The following SKAP2 variants were observed in gnomAD, a reference collection of about 807,000 sequenced individuals.
SKAP2 encodes src kinase-associated phosphoprotein 2.
SKAP2 carries 28 observed loss-of-function variants against 54.9 expected under a neutral mutation model. That is an observed-to-expected ratio of 0.51 (90% CI 0.38 to 0.70). The LOEUF (loss-of-function observed/expected upper bound fraction) is 0.70, where lower values mean the gene tolerates loss of function less well. Ranked by LOEUF, SKAP2 falls within the 30% of genes least tolerant of loss-of-function variation. SKAP2 has a pLI of 0.00. For missense variants in SKAP2, 356 were observed against 424.1 expected (o/e 0.84, Z 1.41); for synonymous variants, 137 against 134.3 (o/e 1.02, Z -0.14).
At position 26,670,142 on chromosome 7, in the gene SKAP2, G is replaced by C; in HGVS notation, c.1038C>G (p.Gly346=). ...CCATTATGTAGGCTTTAGGCACCAA[G>C]CCAATGGCTCCCTTCATTTCTCCTA... is the stretch of plus-strand genomic sequence containing the variant. ...WWVGEMKGAI[G]LVPKAYIMEM... Residue 346 remains glycine (G), a synonymous_variant, in exon 12 of 13, where the codon GGC becomes GGG. Coordinates refer to ENST00000345317, the MANE Select transcript of SKAP2 (RefSeq NM_003930.5). 1 of 1,584,394 alleles carries C rather than the reference G, an allele frequency of 6.3e-7. No individual in the cohort carries two copies. The highest frequency in any genetic ancestry group is 8.7e-7 in the Non-Finnish European group (1 of 1,153,348).
At chr7:26,835,087 A>G (rs1784678576) in intron 4 of SKAP2, among the ~76,000 whole-genome samples, 1 of 152,220 alleles carries the variant, frequency 6.6e-6, no homozygotes, top group African/African-American at 2.4e-5. Context: ...AGAACTAATG[A>G]CAAAAACCAC....
At chr7:26,765,389 T>C (rs559277913) in intron 4 of SKAP2, among the ~76,000 whole-genome samples, 50 of 152,304 alleles carry the variant, frequency 3.3e-4, no homozygotes, top group Middle Eastern at 6.8e-3. Flanking sequence ...GTCAGATGGA[T>C]TGCAAAAATT....
At position 26,725,697 on chromosome 7, in the gene SKAP2, A is replaced by T. The variant is rs769127967; in HGVS notation, c.659-132T>A. 293 of 996,034 alleles carry T rather than the reference A, an allele frequency of 2.9e-4. 1 individual carries two copies. In the Middle Eastern group the frequency reaches 4.6e-3, roughly 16 times the overall value. The allele number at this position is 996,034 out of a possible 1,614,324, so 61.7% of individuals were successfully genotyped here. ...ATATGTTATGTCCTTAACTAAAAAC[A>T]TGTTTAAAAATTGTTTTGTAAATAT... On this transcript the variant is annotated intron_variant, in intron 8 of 12. Transcript: ENST00000345317.
intron 9 of SKAP2, among the ~76,000 whole-genome samples, chr7:26,696,399 A>G (rs1433466885): frequency 1.3e-5 from 2 of 152,224 alleles, no homozygotes; most frequent in African/African-American, 4.8e-5. Context: ...TAAACTGGAC[A>G]CTGCTTCTAA....
At chr7:26,802,979 T>C (rs1783948090) in intron 4 of SKAP2, among the ~76,000 whole-genome samples, 1 of 152,140 alleles carries the variant, frequency 6.6e-6, no homozygotes, top group Admixed American at 6.6e-5. Flanking sequence ...CAAAATGGAT[T>C]AAAGACTTAA....
intron 4 of SKAP2, among the ~76,000 whole-genome samples, chr7:26,842,251 A>C (rs1187865082): frequency 6.6e-6 from 1 of 151,722 alleles, no homozygotes; most frequent in Non-Finnish European, 1.5e-5. Context: ...CTATTAACAA[A>C]AAAACTTGAT....
At chr7:26,741,250 C>T (rs1446360188) in intron 4 of SKAP2, among the ~76,000 whole-genome samples, 1 of 151,846 alleles carries the variant, frequency 6.6e-6, no homozygotes, top group Non-Finnish European at 1.5e-5. Flanking sequence ...GGTGCAATGG[C>T]TCATGCCTAC....
chr7:26,712,572 T>A (rs931016974), intron 9 of SKAP2, among the ~76,000 whole-genome samples: 1 of 152,226 alleles, frequency 6.6e-6, no homozygotes, highest in Non-Finnish European at 1.5e-5. Context: ...AAATCCCAAC[T>A]CTGCTATCTC....
At chr7:26,739,799 C>G in intron 5 of SKAP2, 88 bp downstream of exon 5, 1 of 907,448 alleles carries the variant, frequency 1.1e-6, no homozygotes, top group Non-Finnish European at 1.7e-6. Flanking sequence ...TCACCTAAAA[C>G]GAATACTGCC....
chr7:26,780,155 T>C (rs687254), intron 4 of SKAP2, among the ~76,000 whole-genome samples: 72,291 of 151,946 alleles, frequency 0.48, 18,222 homozygotes, highest in East Asian at 0.59. Flanking sequence ...TCTGTGCTGA[T>C]TCCTGTAAAA....
chr7:26,712,929 A>C (rs1360829489), intron 9 of SKAP2, among the ~76,000 whole-genome samples: 1 of 152,204 alleles, frequency 6.6e-6, no homozygotes, highest in Non-Finnish European at 1.5e-5. Flanking sequence ...ACAGCATCTG[A>C]TTTGTGTGGG....
intron 11 of SKAP2, among the ~76,000 whole-genome samples, chr7:26,677,954 T>C (rs1372573110): frequency 1.3e-5 from 2 of 152,216 alleles, no homozygotes; most frequent in African/African-American, 2.4e-5. Flanking sequence ...TAACCTCTGA[T>C]ATAGAAGAAA....
At chr7:26,756,009 T>C (rs958774575) in intron 4 of SKAP2, among the ~76,000 whole-genome samples, 1 of 152,054 alleles carries the variant, frequency 6.6e-6, no homozygotes, top group African/African-American at 2.4e-5. Flanking sequence ...AACAGAAAGA[T>C]GGAAAATGCC....
intron 4 of SKAP2, among the ~76,000 whole-genome samples, chr7:26,745,618 G>A (rs1013144995): frequency 4.6e-5 from 7 of 152,164 alleles, no homozygotes; most frequent in East Asian, 3.9e-4. Flanking sequence ...GGGCTCAAGC[G>A]ATCCTCCCAC....
chr7:26,857,680 A>G, intron 1 of SKAP2: 1 of 985,404 alleles, frequency 1.0e-6, no homozygotes, highest in Non-Finnish European at 1.2e-6. Flanking sequence ...CGGAGCAGTG[A>G]GCATGGAGAG....
At chr7:26,855,355 T>C (rs1480084902) in intron 1 of SKAP2, among the ~76,000 whole-genome samples, 2 of 152,098 alleles carry the variant, frequency 1.3e-5, no homozygotes, top group Non-Finnish European at 2.9e-5. Context: ...TTCCCTAGTA[T>C]AATCAATTTT....
chr7:26,839,729 C>T (rs1346972591), intron 4 of SKAP2, among the ~76,000 whole-genome samples: 1 of 151,904 alleles, frequency 6.6e-6, no homozygotes, highest in Admixed American at 6.6e-5. Flanking sequence ...ACATCTATTT[C>T]GTGGCTTTTG....
intron 9 of SKAP2, among the ~76,000 whole-genome samples, chr7:26,709,559 A>C (rs569368465): frequency 6.6e-6 from 1 of 152,342 alleles, no homozygotes; most frequent in Admixed American, 6.5e-5. Flanking sequence ...CTAATCATTG[A>C]TTCTTAAACC....
rs925137240 is a variant in SKAP2 at position 26,825,827 on chromosome 7, A to G, written c.307+18203T>C. Among the ~76,000 whole-genome samples the G allele has an allele frequency of 2.0e-5, 3 of 152,192 alleles. No homozygotes were observed. The East Asian group carries it at 5.8e-4, about 29-fold the overall frequency. On this transcript the variant is annotated intron_variant, in intron 4 of 12. Coordinates refer to ENST00000345317, the MANE Select transcript of SKAP2 (RefSeq NM_003930.5). ...TATACTCTCCTCTAATGAACTTGAA[A>G]TATCCACTACTGAATGTATATCTAT... is the stretch of plus-strand genomic sequence containing the variant.
Sources: allele counts gnomAD v4.1 joint callset (sites outside exome capture counted in the v4.1 genomes callset), GRCh38; gene constraint gnomAD v4.1.1; transcripts MANE v1.5; gene names NCBI Gene and HGNC (gene_info 2026-07-23, HGNC 2026-07-21).